Variants in CACNA2D1 observed in about 807,000 individuals in gnomAD.
CACNA2D1 encodes the protein calcium voltage-gated channel auxiliary subunit alpha2delta 1.
In CACNA2D1, 53 loss-of-function variants were observed where a neutral mutation model predicts 171.5. The ratio of observed to expected loss-of-function variants is 0.31; its 90% CI spans 0.25 to 0.39. The LOEUF (loss-of-function observed/expected upper bound fraction) is 0.39. CACNA2D1 is among the 10% of genes least tolerant of loss of function. The pLI is 1.00. For missense variants in CACNA2D1, 903 were observed against 1,299.8 expected (o/e 0.69, Z 4.69); for synonymous variants, 442 against 443.1 (o/e 1.00, Z 0.03).
chr7:81,999,751 AAAAG>A (rs1455813268), intron 18 of CACNA2D1, among the ~76,000 whole-genome samples: 2 of 152,200 alleles, frequency 1.3e-5, no homozygotes, highest in East Asian at 3.8e-4. Flanking sequence ...ATAATACATA[AAAAG>A]AAACATGCAA....
At chr7:82,227,694 A>G (rs1449263742) in intron 3 of CACNA2D1, among the ~76,000 whole-genome samples, 1 of 152,152 alleles carries the variant, frequency 6.6e-6, no homozygotes, top group African/African-American at 2.4e-5. Context: ...AGGTTCATAA[A>G]CCATTGTTTG....
At chr7:82,204,820 G>A (rs771590825) in intron 3 of CACNA2D1, among the ~76,000 whole-genome samples, 1 of 152,136 alleles carries the variant, frequency 6.6e-6, no homozygotes, top group Non-Finnish European at 1.5e-5. Flanking sequence ...TGGCCTAGGG[G>A]GTGGAGTGTA....
At position 82,187,510 on chromosome 7, in the gene CACNA2D1, G is replaced by A. The variant is rs142362591; in HGVS notation, c.295-16901C>T. On this transcript the variant is annotated intron_variant, in intron 3 of 38. Coordinates refer to ENST00000356860, the MANE Select transcript of CACNA2D1 (RefSeq NM_000722.4). ...GATTTGTTAGCATTTTCAATTACAA[G>A]ATCACAGAAGGTCAAAAAATAATCA... is the stretch of plus-strand genomic sequence containing the variant. Among the ~76,000 whole-genome samples, 100 of 152,044 alleles carry A rather than the reference G, an allele frequency of 6.6e-4. 1 individual carries two copies. The highest frequency in any genetic ancestry group is 1.3e-3 in the Non-Finnish European group (85 of 67,960).
chr7:82,064,489 T>C, intron 8 of CACNA2D1, 135 bp from the exon 9 acceptor site: 4 of 591,914 alleles, frequency 6.8e-6, no homozygotes, highest in Middle Eastern at 4.3e-4. Context: ...AAGTAGACAA[T>C]GGTTTTCCAT....
chr7:82,299,478 T>C (rs1004368360), intron 3 of CACNA2D1, among the ~76,000 whole-genome samples: 2 of 151,912 alleles, frequency 1.3e-5, no homozygotes, highest in East Asian at 1.9e-4. Context: ...CTGGCCAACA[T>C]GGTGAAACCC....
intron 12 of CACNA2D1, among the ~76,000 whole-genome samples, chr7:82,019,600 T>G (rs1017268415): frequency 3.0e-4 from 46 of 152,284 alleles, no homozygotes; most frequent in Admixed American, 1.9e-3. Context: ...TAATCTGTTT[T>G]TGTTTTGTTT....
At chr7:82,274,545 T>C (rs1809067215) in intron 3 of CACNA2D1, among the ~76,000 whole-genome samples, 1 of 152,198 alleles carries the variant, frequency 6.6e-6, no homozygotes, top group Non-Finnish European at 1.5e-5. Context: ...TCTTGGGTTA[T>C]AGACACCGCA....
chr7:82,315,100 G>A (rs1395455902), intron 3 of CACNA2D1, among the ~76,000 whole-genome samples: 2 of 150,672 alleles, frequency 1.3e-5, no homozygotes, highest in Non-Finnish European at 2.9e-5. Context: ...TTGTGCCACT[G>A]CACTCCAGCC....
intron 1 of CACNA2D1, among the ~76,000 whole-genome samples, chr7:82,378,945 G>C (rs1461973491): frequency 1.1e-4 from 3 of 27,466 alleles, no homozygotes; most frequent in East Asian, 1.9e-3. Flanking sequence ...ACTCGTGTGT[G>C]TGTGTGTGTG....
At chr7:82,162,810 G>T (rs1282208431) in intron 4 of CACNA2D1, among the ~76,000 whole-genome samples, 1 of 151,902 alleles carries the variant, frequency 6.6e-6, no homozygotes, top group African/African-American at 2.4e-5. Flanking sequence ...TAAGCCCTCA[G>T]TCCCCGGGGT....
At chr7:82,060,957 T>A (rs182770595) in intron 9 of CACNA2D1, among the ~76,000 whole-genome samples, 1 of 152,264 alleles carries the variant, frequency 6.6e-6, no homozygotes, top group African/African-American at 2.4e-5. Flanking sequence ...GATAACAGAT[T>A]TGCAAGAAAA....
chr7:82,221,049 T>C (rs1257465794), intron 3 of CACNA2D1, among the ~76,000 whole-genome samples: 1 of 152,188 alleles, frequency 6.6e-6, no homozygotes, highest in Non-Finnish European at 1.5e-5. Context: ...GTGCTGAGAT[T>C]ACAGGTGTGA....
intron 3 of CACNA2D1, among the ~76,000 whole-genome samples, chr7:82,220,823 T>C (rs7793204): frequency 6.7e-6 from 1 of 148,478 alleles, no homozygotes; most frequent in Non-Finnish European, 1.5e-5. Flanking sequence ...CTGTCACCGA[T>C]GCTGCAGTGT....
chr7:82,150,214 T>C (rs1220369455), intron 4 of CACNA2D1, among the ~76,000 whole-genome samples: 2 of 148,912 alleles, frequency 1.3e-5, no homozygotes, highest in African/African-American at 2.5e-5. Flanking sequence ...CTTCCACCTT[T>C]AAGGTTTGGT....
At chr7:82,188,092 C>A (rs182797411) in intron 3 of CACNA2D1, among the ~76,000 whole-genome samples, 1 of 152,084 alleles carries the variant, frequency 6.6e-6, no homozygotes, top group Non-Finnish European at 1.5e-5. Context: ...TTTATAAGAG[C>A]ACTAATCACA....
chr7:82,046,385 C>T (rs1010422134), intron 10 of CACNA2D1, among the ~76,000 whole-genome samples: 5 of 152,146 alleles, frequency 3.3e-5, no homozygotes, highest in Admixed American at 6.5e-5. Context: ...TTCAAGTTGA[C>T]GGTGCTGTTC....
chr7:82,287,649 T>C (rs983110509), intron 3 of CACNA2D1, among the ~76,000 whole-genome samples: 1 of 152,172 alleles, frequency 6.6e-6, no homozygotes, highest in Non-Finnish European at 1.5e-5. Flanking sequence ...AGATCTGGGA[T>C]ACCATAGTAT....
chr7:82,007,460 T>C (rs559437403), intron 16 of CACNA2D1, among the ~76,000 whole-genome samples: 2 of 152,138 alleles, frequency 1.3e-5, no homozygotes, highest in South Asian at 4.1e-4. Context: ...CATAGTTAAG[T>C]GGAGTTAAGT....
chr7:82,310,364 T>C (rs1814286514), intron 3 of CACNA2D1, among the ~76,000 whole-genome samples: 1 of 151,994 alleles, frequency 6.6e-6, no homozygotes, highest in Non-Finnish European at 1.5e-5. Context: ...TAATTTTGTC[T>C]AGTTTAGAGG....
Sources: gnomAD v4.1 joint callset for allele counts (sites outside exome capture counted in the v4.1 genomes callset) on GRCh38, gnomAD v4.1.1 for gene constraint, MANE v1.5 for transcripts, NCBI Gene and HGNC (gene_info 2026-07-23, HGNC 2026-07-21) for gene names.